Variants in TMPRSS11F observed in about 807,000 individuals in gnomAD.
TMPRSS11F encodes the protein transmembrane protease serine 11F.
In TMPRSS11F, 47 loss-of-function variants were observed where a neutral mutation model predicts 60.2. That is an observed-to-expected ratio of 0.78 (90% CI 0.62 to 1.00). The LOEUF is 1.00. TMPRSS11F is among the 50% of genes least tolerant of loss of function. The probability of loss-of-function intolerance (pLI) is 0.00; values close to 1 mark genes in which losing one functional copy is unlikely to be tolerated. For missense variants in TMPRSS11F, 519 were observed against 522.9 expected (o/e 0.99, Z 0.07); for synonymous variants, 166 against 167.3 (o/e 0.99, Z 0.06).
chr4:68,120,332 C>T (rs1346299582), intron 1 of TMPRSS11F, among the ~76,000 whole-genome samples: 2 of 150,856 alleles, frequency 1.3e-5, no homozygotes, highest in African/African-American at 4.9e-5. Context: ...AAGTTCTGCT[C>T]TGAGTAAAAT....
intron 1 of TMPRSS11F, among the ~76,000 whole-genome samples, chr4:68,114,990 T>TAAAAAAAAAAAAAAA (rs56946635): frequency 1.7e-5 from 2 of 114,398 alleles, no homozygotes; most frequent in Admixed American, 9.0e-5. Context: ...ATTCATTATT[T>TAAAAAAAAAAAAAAA]AAAAAAAAAA....
At chr4:68,084,076 G>A (rs1245046764) in intron 3 of TMPRSS11F, among the ~76,000 whole-genome samples, 1 of 152,112 alleles carries the variant, frequency 6.6e-6, no homozygotes, top group African/African-American at 2.4e-5. Flanking sequence ...GAATCTCAGA[G>A]CTCGAAGACC....
chr4:68,061,049 A>G (rs1723161624), intron 8 of TMPRSS11F, among the ~76,000 whole-genome samples: 1 of 131,822 alleles, frequency 7.6e-6, no homozygotes, highest in Non-Finnish European at 1.8e-5. Context: ...TTTTTAATAT[A>G]TATAAAACAT....
intron 8 of TMPRSS11F, chr4:68,061,807 A>G (rs2109831734): frequency 6.8e-6 from 3 of 441,954 alleles, no homozygotes; most frequent in South Asian, 4.9e-5. Flanking sequence ...GTTCTACAGT[A>G]CAACCTGTCT....
chr4:68,117,871 C>T (rs1560412106), intron 1 of TMPRSS11F, among the ~76,000 whole-genome samples: 1 of 152,166 alleles, frequency 6.6e-6, no homozygotes, highest in Non-Finnish European at 1.5e-5. Flanking sequence ...CAAAAATGGA[C>T]ATGCAGTCCA....
chr4:68,083,201 C>T (rs2109857085), intron 3 of TMPRSS11F, among the ~76,000 whole-genome samples: 1 of 152,326 alleles, frequency 6.6e-6, no homozygotes, highest in Admixed American at 6.5e-5. Context: ...TAAGCTTCCA[C>T]AACATTGCAG....
intron 8 of TMPRSS11F, chr4:68,062,553 C>T (rs765118211): frequency 1.3e-6 from 1 of 793,322 alleles, no homozygotes; most frequent in Non-Finnish European, 2.3e-6. Context: ...CATCGTGACT[C>T]TAGCAACGCC....
At chr4:68,121,391 ATATGT>A (rs1724623047) in intron 1 of TMPRSS11F, among the ~76,000 whole-genome samples, 1 of 152,222 alleles carries the variant, frequency 6.6e-6, no homozygotes, top group South Asian at 2.1e-4. Flanking sequence ...CTTCTGAAAA[ATATGT>A]TATATTACTT....
chr4:68,074,291 C>T (rs938048711), intron 3 of TMPRSS11F, among the ~76,000 whole-genome samples: 3 of 152,120 alleles, frequency 2.0e-5, no homozygotes, highest in African/African-American at 7.2e-5. Flanking sequence ...GGGATAACAA[C>T]AATATCTGCC....
intron 9 of TMPRSS11F, among the ~76,000 whole-genome samples, chr4:68,056,570 T>C (rs1343246176): frequency 6.6e-6 from 1 of 152,134 alleles, no homozygotes; most frequent in African/African-American, 2.4e-5. Context: ...TCCATGTTTA[T>C]GGATTGAAAG....
intron 1 of TMPRSS11F, among the ~76,000 whole-genome samples, chr4:68,123,984 G>A (rs1724668954): frequency 6.6e-6 from 1 of 152,144 alleles, no homozygotes; most frequent in Admixed American, 6.5e-5. Context: ...ACTCTGGGAG[G>A]CGGAGGCAGG....
At chr4:68,082,225 G>T (rs1723709939) in intron 3 of TMPRSS11F, among the ~76,000 whole-genome samples, 1 of 152,070 alleles carries the variant, frequency 6.6e-6, no homozygotes, top group Non-Finnish European at 1.5e-5. Context: ...CACTCTTGCT[G>T]GGGATCTCTA....
chr4:68,121,243 C>T (rs1724620569), intron 1 of TMPRSS11F, among the ~76,000 whole-genome samples: 1 of 152,198 alleles, frequency 6.6e-6, no homozygotes, highest in South Asian at 2.1e-4. Flanking sequence ...TAACCACCCA[C>T]ATCTAACAGC....
At chr4:68,124,060 A>C (rs1724670441) in intron 1 of TMPRSS11F, among the ~76,000 whole-genome samples, 1 of 152,014 alleles carries the variant, frequency 6.6e-6, no homozygotes, top group Non-Finnish European at 1.5e-5. Flanking sequence ...ATCTCTACTA[A>C]AAATACAAAA....
At chr4:68,082,890 A>G (rs1723735560) in intron 3 of TMPRSS11F, among the ~76,000 whole-genome samples, 2 of 152,226 alleles carry the variant, frequency 1.3e-5, no homozygotes, top group South Asian at 4.1e-4. Context: ...CTCTGCCCAA[A>G]GAAGCACCAC....
intron 1 of TMPRSS11F, among the ~76,000 whole-genome samples, chr4:68,120,722 C>A (rs62316548): frequency 9.9e-5 from 15 of 151,440 alleles, no homozygotes; most frequent in Admixed American, 2.0e-4. Flanking sequence ...ATTTATGAAA[C>A]AAGCTTCATT....
At chr4:68,124,284 G>A (rs965859935) in intron 1 of TMPRSS11F, among the ~76,000 whole-genome samples, 4 of 150,950 alleles carry the variant, frequency 2.6e-5, no homozygotes, top group Non-Finnish European at 4.4e-5. Flanking sequence ...ATGGTGCCTC[G>A]CACCTATAAT....
chr4:68,063,989 G>A (rs756719769), intron 8 of TMPRSS11F, among the ~76,000 whole-genome samples: 44 of 152,088 alleles, frequency 2.9e-4, no homozygotes, highest in Non-Finnish European at 5.3e-4. Context: ...TAAAGTATAT[G>A]TAACATATTT....
Position 68,059,422 on chromosome 4 carries a change from G to A in TMPRSS11F, c.1062C>T (p.Ser354=). The A allele has an allele frequency of 5.0e-6, 8 of 1,613,676 alleles. No homozygotes were observed. Among genetic ancestry groups the A allele is most frequent in the Non-Finnish European group, 6.8e-6 (8 of 1,179,934 alleles). Residue 354 remains serine (S), a synonymous_variant, in exon 9 of 10, where the codon AGC becomes AGT. Coordinates refer to ENST00000356291, the MANE Select transcript of TMPRSS11F (RefSeq NM_207407.2). ...TLRQARVETI[S]TDVCNRKDVY... ...CATCCTTTCTGTTACACACATCAGT[G>A]CTTATGGTTTCCACTCTGGCTTGCC...
Sources: allele counts gnomAD v4.1 joint callset (sites outside exome capture counted in the v4.1 genomes callset), GRCh38; gene constraint gnomAD v4.1.1; transcripts MANE v1.5; gene names NCBI Gene and HGNC (gene_info 2026-07-23, HGNC 2026-07-21).